CEP104: variants seen among roughly 807,000 people sequenced by gnomAD.
CEP104 encodes centrosomal protein of 104 kDa.
A neutral mutation model predicts 113.3 loss-of-function variants in CEP104; 84 were observed. That is an observed-to-expected ratio of 0.74 (90% CI 0.62 to 0.89). CEP104 has a LOEUF of 0.89. Ranked by LOEUF, CEP104 falls within the 40% of genes least tolerant of loss-of-function variation. The probability of loss-of-function intolerance (pLI) is 0.00; values close to 1 mark genes in which losing one functional copy is unlikely to be tolerated. For missense variants in CEP104, 1,053 were observed against 1,156.6 expected (o/e 0.91, Z 1.30); for synonymous variants, 378 against 421.7 (o/e 0.90, Z 1.27).
chr1:3,818,208 A>C (rs932435432), intron 20 of CEP104, among the ~76,000 whole-genome samples: 1 of 151,528 alleles, frequency 6.6e-6, no homozygotes, highest in Non-Finnish European at 1.5e-5. Context: ...TCTTCCTCCC[A>C]CTCTGCCTGG....
intron 20 of CEP104, among the ~76,000 whole-genome samples, chr1:3,816,919 G>A (rs950454336): frequency 8.5e-5 from 13 of 152,262 alleles, no homozygotes; most frequent in South Asian, 8.3e-4. Flanking sequence ...CTGTGGGACC[G>A]TCTGCATGGG....
chr1:3,839,865 C>T (rs1644383101), intron 6 of CEP104, 89 bp from the exon 7 acceptor site: 4 of 994,360 alleles, frequency 4.0e-6, no homozygotes, highest in Non-Finnish European at 6.0e-6. Flanking sequence ...TGCCCCTCCC[C>T]ATCCTGCCCC....
intron 13 of CEP104, among the ~76,000 whole-genome samples, chr1:3,830,382 G>A (rs761948575): frequency 8.6e-5 from 13 of 152,016 alleles, no homozygotes; most frequent in Non-Finnish European, 1.5e-4. Context: ...TCCAGAATCC[G>A]AAAACAATCT....
At chr1:3,853,405 GAA>G (rs35675178) in intron 1 of CEP104, among the ~76,000 whole-genome samples, 6 of 149,196 alleles carry the variant, frequency 4.0e-5, no homozygotes, top group East Asian at 4.0e-4. Flanking sequence ...ATCATCGGGG[GAA>G]AAAAAAAAAG....
rs779051977 is a variant in CEP104 at position 3,848,668 on chromosome 1, A to C, written c.227T>G (p.Ile76Ser). The C allele has an allele frequency of 2.5e-6, 4 of 1,613,828 alleles. No individual in the cohort carries two copies. Among genetic ancestry groups the C allele is most frequent in the African/African-American group, 1.3e-5 (1 of 74,894 alleles). ...AAAATATTCAGGCAAGCTTTCACTA[A>C]TGTAGAACTCAATTTTACTTGAAAT... is the stretch of plus-strand genomic sequence containing the variant. ...YMISSKIEFY[I>S]SESLPEYFAP... Residue 76 changes from isoleucine to serine, a missense_variant, in exon 3 of 22, where the codon ATT becomes AGT. Coordinates refer to ENST00000378230, the MANE Select transcript of CEP104 (RefSeq NM_014704.4).
rs1414209843 is a variant in CEP104, at chr1:3,831,213, A to C, written c.1669T>G (p.Leu557Val). The C allele has an allele frequency of 6.2e-7, 1 of 1,612,168 alleles. No individual in the cohort carries two copies. The highest frequency in any genetic ancestry group is 1.7e-5 in the Admixed American group (1 of 59,872). Residue 557 changes from leucine to valine, a missense_variant, in exon 13 of 22, where the codon TTG (leucine) becomes GTG (valine). Leu to Val is a conservative substitution (Grantham distance 32). Coordinates refer to ENST00000378230, the MANE Select transcript of CEP104 (RefSeq NM_014704.4). ...TGGAGAGACTTAACTTCTTTAAACA[A>C]GGCCATTTCCTATGAAAGCCAAGGT... ...TAANFIQEMA[L>V]FKEVKSLQII...
At chr1:3,827,174 G>C in intron 15 of CEP104, among the ~76,000 whole-genome samples, 1 of 152,118 alleles carries the variant, frequency 6.6e-6, no homozygotes, top group East Asian at 1.9e-4. Flanking sequence ...TGCAATTCTA[G>C]TTCCACAGAC....
chr1:3,839,797 T>A, intron 6 of CEP104, 21 bp from the exon 7 acceptor site: 1 of 1,599,168 alleles, frequency 6.3e-7, no homozygotes. Context: ...GAAATGCATA[T>A]TTTAGAGATA....
At position 3,812,134 on chromosome 1, in the gene CEP104, TA is replaced by T. The variant is rs1385950058; in HGVS notation, c.*3267del. On this transcript the variant is annotated 3_prime_UTR_variant, in exon 22 of 22. Transcript: ENST00000378230. Reference sequence around the variant, plus strand: ...AATATACTCTGGGTGAATTAACCCTTAAGCCCTAAAACGACAACAAAAATAT... The same window carrying T: ...AATATACTCTGGGTGAATTAACCCTTAGCCCTAAAACGACAACAAAAATAT... 1 of 152,202 alleles carries T rather than the reference TA, an allele frequency of 6.6e-6. No homozygotes were observed. Among genetic ancestry groups the T allele is most frequent in the African/African-American group, 2.4e-5 (1 of 41,452 alleles). 9.4% of individuals were successfully genotyped at this position (152,202 alleles called of 1,614,324 possible). A position where few individuals can be genotyped will look rare whatever the true frequency, so the allele number is the denominator to read the frequency against.
chr1:3,856,900 G>C lies in CEP104; in HGVS notation c.-26C>G, dbSNP rs1644745983. 1 of 151,756 alleles carries C rather than the reference G, an allele frequency of 6.6e-6. No individual in the cohort carries two copies. Among genetic ancestry groups the C allele is most frequent in the Non-Finnish European group, 1.5e-5 (1 of 67,930 alleles). 9.4% of individuals were successfully genotyped at this position (151,756 alleles called of 1,614,324 possible). On this transcript the variant is annotated 5_prime_UTR_variant, in exon 1 of 22. Transcript: ENST00000378230. ...GGCCCGGAAGGTACCTGCTTAGAGG[G>C]AAGGGCCCCGACTGGCGCTGCCGCG...
In CEP104 at chr1:3,834,042, GAA is replaced by G; in HGVS notation, c.1486-9_1486-8del. On this transcript the variant is annotated splice_polypyrimidine_tract_variant and splice_region_variant and intron_variant, in intron 11 of 21. Transcript: ENST00000378230. ...TCAAAGAAGCCTGAAAAACCTAAGA[GAA>G]AAGTGATGAACACGGATGAGTTACT... 6.2e-7 allele frequency: 1 copy of G among 1,609,280 alleles called. No homozygotes were observed. Among genetic ancestry groups the G allele is most frequent in the Non-Finnish European group, 8.5e-7 (1 of 1,175,878 alleles).
At chr1:3,836,753 G>T (rs1644323250) in intron 9 of CEP104, 61 bp from the exon 10 acceptor site, 3 of 1,489,920 alleles carry the variant, frequency 2.0e-6, no homozygotes, top group Non-Finnish European at 9.3e-7. Flanking sequence ...ATTCTCCAGT[G>T]CAACTCTCAC....
At chr1:3,846,536 A>G (rs1054280037) in intron 4 of CEP104, among the ~76,000 whole-genome samples, 7 of 152,234 alleles carry the variant, frequency 4.6e-5, no homozygotes, top group Non-Finnish European at 7.3e-5. Flanking sequence ...TAAATAATCT[A>G]TTATTTAAAA....
At chr1:3,821,208 G>A (rs746220061) in intron 20 of CEP104, among the ~76,000 whole-genome samples, 1 of 152,252 alleles carries the variant, frequency 6.6e-6, no homozygotes, top group African/African-American at 2.4e-5. Flanking sequence ...AGCTCTCTGA[G>A]GCTGCGTGGC....
rs1557687427 is a variant in CEP104, at chr1:3,844,936, C to G, written c.537G>C (p.Glu179Asp). ...CGTACGTTCCTTCTAGAGCAGGGTC[C>G]TCGCTGTTGTGCCCAAGGTAGTGGT... ...LIDHYLGHNS[E>D]DPALEGTYAR... Residue 179 changes from glutamate to aspartate, a missense_variant, in exon 6 of 22, where the codon GAG becomes GAC. Physicochemically the swap from Glu to Asp is conservative, Grantham distance 45. Transcript: ENST00000378230. The G allele has an allele frequency of 6.2e-7, 1 of 1,614,092 alleles. No homozygotes were observed. The highest frequency in any genetic ancestry group is 8.5e-7 in the Non-Finnish European group (1 of 1,179,992).
At chr1:3,826,670 ACACCCCAGTTCTTTGTG>A (rs922583667) in intron 16 of CEP104, 21 bp downstream of exon 16, 8 of 1,611,026 alleles carry the variant, frequency 5.0e-6, no homozygotes, top group Non-Finnish European at 6.8e-6. Context: ...GATTCTTTAC[ACACCCCAGTTCTTTGTG>A]CACCCCAATT....
chr1:3,825,207 C>A (rs1394478709), intron 18 of CEP104, among the ~76,000 whole-genome samples: 1 of 152,060 alleles, frequency 6.6e-6, no homozygotes, highest in Non-Finnish European at 1.5e-5. Flanking sequence ...CCAGGCACAA[C>A]CCCTTTGGAG....
intron 17 of CEP104, 30 bp from the exon 18 acceptor site, chr1:3,825,896 G>A: frequency 1.3e-6 from 2 of 1,497,056 alleles, no homozygotes; most frequent in Non-Finnish European, 1.9e-6. Context: ...GGAAATAAAG[G>A]TAAGGATCTA....
intron 12 of CEP104, 63 bp downstream of exon 12, chr1:3,833,799 G>C (rs1173854688): frequency 6.7e-7 from 1 of 1,494,146 alleles, no homozygotes; most frequent in African/African-American, 1.4e-5. Context: ...TGTTAAGAAA[G>C]CCAGAGAGCT....
Sources: allele counts gnomAD v4.1 joint callset (sites outside exome capture counted in the v4.1 genomes callset), GRCh38; gene constraint gnomAD v4.1.1; transcripts MANE v1.5; gene names NCBI Gene and HGNC (gene_info 2026-07-23, HGNC 2026-07-21).